ADARB2: variants seen among roughly 807,000 people sequenced by gnomAD.
The protein encoded by ADARB2 is inactive double-stranded RNA-specific editase B2.
Under a neutral mutation model 62.2 loss-of-function variants are expected in ADARB2, and 25 were observed. The observed-to-expected ratio is 0.40, with a 90% CI of 0.29 to 0.56. The LOEUF (loss-of-function observed/expected upper bound fraction) is 0.56. Ranked by LOEUF, ADARB2 falls within the 20% of genes least tolerant of loss-of-function variation. ADARB2 has a pLI of 0.43. For missense variants in ADARB2, 1,071 were observed against 1,077.4 expected (o/e 0.99, Z 0.08); for synonymous variants, 572 against 500.8 (o/e 1.14, Z -1.90).
chr10:1,413,012 G>A (rs1025112177), intron 1 of ADARB2, among the ~76,000 whole-genome samples: 11 of 152,162 alleles, frequency 7.2e-5, no homozygotes, highest in Non-Finnish European at 1.3e-4. Flanking sequence ...ATGGGCCCTC[G>A]GGCTGTGGGC....
intron 5 of ADARB2, among the ~76,000 whole-genome samples, chr10:1,241,515 G>A (rs1830923398): frequency 6.6e-6 from 1 of 152,142 alleles, no homozygotes; most frequent in African/African-American, 2.4e-5. Context: ...CCTTGGGACT[G>A]AATGGCCCAG....
At chr10:1,249,903 C>G (rs1327522146) in intron 4 of ADARB2, among the ~76,000 whole-genome samples, 2 of 151,500 alleles carry the variant, frequency 1.3e-5, no homozygotes, top group African/African-American at 4.8e-5. Flanking sequence ...ATACAGAAGT[C>G]AATAACTTTC....
Position 1,183,336 on chromosome 10 carries a change from G to A in ADARB2, c.2077C>T (p.Pro693Ser), listed in dbSNP as rs749195347. ...AGCTTGGCCTCACAGTACATGGAGG[G>A]CGTGTCTCCAGGGCTGGGTGTCCGT... ...STRTPSPGDT[P>S]SMYCEAKLGA... is the part of the protein sequence containing the mutation. Residue 693 changes from proline to serine, a missense_variant, in exon 10 of 10, where the codon CCC becomes TCC. Transcript: ENST00000381312. 3.7e-6 allele frequency: 6 copies of A among 1,614,170 alleles called. No individual in the cohort carries two copies. The South Asian group carries it at 5.5e-5, about 15-fold the overall frequency.
chr10:1,602,045 T>C (rs934257770), intron 1 of ADARB2, among the ~76,000 whole-genome samples: 1 of 152,104 alleles, frequency 6.6e-6, no homozygotes, highest in Non-Finnish European at 1.5e-5. Context: ...AACCGGTGCG[T>C]GTTGGGTGCT....
At position 1,514,325 on chromosome 10, in the gene ADARB2, A is replaced by G. The variant is rs1213385470; in HGVS notation, c.101-135165T>C. Among the ~76,000 whole-genome samples the G allele has an allele frequency of 2.0e-5, 3 of 151,566 alleles. No homozygotes were observed. The East Asian group carries it at 5.8e-4, about 29-fold the overall frequency. On this transcript the variant is annotated intron_variant, in intron 1 of 9. Coordinates refer to ENST00000381312, the MANE Select transcript of ADARB2 (RefSeq NM_018702.4). The stretch of plus-strand genomic sequence containing the variant: ...TGGGACAGTAGTCGGGGAATCAGTA[A>G]ACCACACACTTCCACGGCCCTCAAT...
intron 1 of ADARB2, among the ~76,000 whole-genome samples, chr10:1,459,338 G>C (rs1831137861): frequency 6.6e-6 from 1 of 152,226 alleles, no homozygotes; most frequent in Non-Finnish European, 1.5e-5. Flanking sequence ...GGCGTACTAT[G>C]CAGCCCTAAA....
chr10:1,625,312 T>C (rs970441218), intron 1 of ADARB2, among the ~76,000 whole-genome samples: 3 of 152,218 alleles, frequency 2.0e-5, no homozygotes, highest in African/African-American at 7.2e-5. Flanking sequence ...TACCCCTTTT[T>C]CCAGGGAAAA....
intron 1 of ADARB2, among the ~76,000 whole-genome samples, chr10:1,487,057 G>A (rs1025492743): frequency 1.3e-5 from 2 of 152,242 alleles, no homozygotes; most frequent in Admixed American, 6.5e-5. Flanking sequence ...GGAGCCCTGG[G>A]CCCCACCAGA....
At chr10:1,581,826 ATG>A (rs56180704) in intron 1 of ADARB2, among the ~76,000 whole-genome samples, 25,053 of 148,352 alleles carry the variant, frequency 0.17, 2,172 homozygotes, top group East Asian at 0.19. Context: ...TTAGAAATAG[ATG>A]TGTGTGTGTG....
rs115048604 is a variant in ADARB2 at position 1,559,499 on chromosome 10, C to A, written c.100+177552G>T. On this transcript the variant is annotated intron_variant, in intron 1 of 9. Coordinates refer to ENST00000381312, the MANE Select transcript of ADARB2 (RefSeq NM_018702.4). ...GACTTCTCTTCCACCACTGGCCTGG[C>A]TCAAAGGACAGATGCCCTCTGGAGA... 5.2e-3 allele frequency among the ~76,000 whole-genome samples: 797 copies of A among 152,252 alleles called. 9 individuals carry two copies. The highest frequency in any genetic ancestry group is 0.018 in the African/African-American group (749 of 41,544).
chr10:1,623,678 T>A (rs1228540900), intron 1 of ADARB2, among the ~76,000 whole-genome samples: 5 of 152,216 alleles, frequency 3.3e-5, no homozygotes. Context: ...ACGCATGGAT[T>A]CCCTGCCTTA....
intron 1 of ADARB2, among the ~76,000 whole-genome samples, chr10:1,496,681 C>T (rs1357742443): frequency 1.3e-5 from 2 of 152,044 alleles, no homozygotes; most frequent in Non-Finnish European, 2.9e-5. Context: ...TAATCACCAT[C>T]ATTATCAACT....
intron 1 of ADARB2, among the ~76,000 whole-genome samples, chr10:1,571,917 T>G (rs1302245333): frequency 7.8e-6 from 1 of 128,344 alleles, no homozygotes; most frequent in Admixed American, 8.1e-5. Context: ...GAAAGGTGAG[T>G]AGGCAGGTGA....
chr10:1,467,201 C>T (rs1443172876), intron 1 of ADARB2, among the ~76,000 whole-genome samples: 6 of 152,170 alleles, frequency 3.9e-5, no homozygotes, highest in Non-Finnish European at 8.8e-5. Flanking sequence ...ATCTTTAATA[C>T]TGTAACTGCT....
At chr10:1,339,280 C>T (rs971341908) in intron 3 of ADARB2, among the ~76,000 whole-genome samples, 3 of 152,322 alleles carry the variant, frequency 2.0e-5, no homozygotes, top group South Asian at 4.1e-4. Flanking sequence ...ATGGTGACCA[C>T]GATTCACACA....
At chr10:1,563,945 A>G (rs1832823392) in intron 1 of ADARB2, among the ~76,000 whole-genome samples, 1 of 149,594 alleles carries the variant, frequency 6.7e-6, no homozygotes, top group Non-Finnish European at 1.5e-5. Flanking sequence ...CCATGTCCCT[A>G]CAAAGGACAT....
intron 1 of ADARB2, among the ~76,000 whole-genome samples, chr10:1,579,403 G>T (rs1355133673): frequency 6.6e-6 from 1 of 152,156 alleles, no homozygotes; most frequent in Non-Finnish European, 1.5e-5. Context: ...ATTATAGTAT[G>T]CACATAACAG....
intron 1 of ADARB2, among the ~76,000 whole-genome samples, chr10:1,652,038 G>T (rs1268921183): frequency 1.3e-5 from 2 of 152,254 alleles, no homozygotes; most frequent in Admixed American, 6.5e-5. Flanking sequence ...TGGGGACGGG[G>T]CTGCGCCTTT....
At chr10:1,471,574 G>A (rs1171810903) in intron 1 of ADARB2, among the ~76,000 whole-genome samples, 1 of 151,946 alleles carries the variant, frequency 6.6e-6, no homozygotes, top group African/African-American at 2.4e-5. Flanking sequence ...TGTATTTTTA[G>A]TAAAGACAGT....
Sources: gnomAD v4.1 joint callset for allele counts (sites outside exome capture counted in the v4.1 genomes callset) on GRCh38, gnomAD v4.1.1 for gene constraint, MANE v1.5 for transcripts, NCBI Gene and HGNC (gene_info 2026-07-23, HGNC 2026-07-21) for gene names.